The following LMF1 variants were observed in gnomAD, a reference collection of about 807,000 sequenced individuals.
LMF1 encodes the protein lipase maturation factor 1, also known as transmembrane protein 112.
In LMF1, 68 loss-of-function variants were observed where a neutral mutation model predicts 60.6. The ratio of observed to expected loss-of-function variants is 1.12; its 90% CI spans 0.92 to 1.37. The LOEUF is 1.37. Among genes scored for constraint, LMF1 ranks in the 40% most tolerant of loss-of-function variants. LMF1 has a pLI of 0.00. For synonymous variants in LMF1, 418 were observed against 324.7 expected (o/e 1.29, Z -3.09); for missense variants, 948 against 767.2 (o/e 1.24, Z -2.78).
upstream of LMF1, among the ~76,000 whole-genome samples, chr16:971,856 T>G (rs72769441): frequency 0.03 from 4,640 of 152,310 alleles, 159 homozygotes; most frequent in African/African-American, 0.087. Flanking sequence ...AGTGCAGATT[T>G]CTCCTTATTC....
intron 5 of LMF1, among the ~76,000 whole-genome samples, chr16:889,951 T>TGGCTGGCCCTGCTGCACAG (rs2094927968): frequency 6.6e-6 from 1 of 152,282 alleles, no homozygotes; most frequent in Non-Finnish European, 1.5e-5. Context: ...TGCCTGACAC[T>TGGCTGGCCCTGCTGCACAG]GGCTGGCCCT....
chr16:891,750 T>G (rs1021112331), intron 5 of LMF1, among the ~76,000 whole-genome samples: 4 of 152,238 alleles, frequency 2.6e-5, no homozygotes, highest in African/African-American at 7.2e-5. Context: ...TTTCCTGACC[T>G]GGGCTGAGGG....
rs2072624960 is a variant in LMF1 at position 954,637 on chromosome 16, T to C, written c.223A>G (p.Asn75Asp). 1 of 1,604,090 alleles carries C rather than the reference T, an allele frequency of 6.2e-7. No individual in the cohort carries two copies. The highest frequency in any genetic ancestry group is 2.2e-5 in the East Asian group (1 of 44,694). The change falls in exon 2 of 11, where the codon AAC becomes GAC. Residue 75 changes from asparagine (N) to aspartate (D), a missense_variant. Transcript: ENST00000262301. ...FVAFLVAFHQ[N>D]KQLIGDRGLL... ...CCCCTGTCACCGATGAGCTGCTTGT[T>C]CTGATGGAAAGCCACCAGGAATGCC... is the stretch of plus-strand genomic sequence containing the variant.
chr16:960,052 G>A (rs1035453181), intron 1 of LMF1, among the ~76,000 whole-genome samples: 5 of 152,214 alleles, frequency 3.3e-5, no homozygotes, highest in African/African-American at 1.2e-4. Context: ...CAGGAAGAGG[G>A]CCAGCAGCTG....
chr16:863,969 C>A (rs1010100000), intron 10 of LMF1, among the ~76,000 whole-genome samples: 1 of 152,190 alleles, frequency 6.6e-6, no homozygotes, highest in Non-Finnish European at 1.5e-5. Flanking sequence ...TTAGGCCCTG[C>A]CTGTCGATGA....
In LMF1 at chr16:874,872, G is replaced by A. The variant is rs904365097; in HGVS notation, c.898-3531C>T. Among the ~76,000 whole-genome samples, 12 of 152,204 alleles carry A rather than the reference G, an allele frequency of 7.9e-5. No homozygotes were observed. Among genetic ancestry groups the A allele is most frequent in the East Asian group, 1.9e-4 (1 of 5,176 alleles). ...AGGACACTACAATGTTAGAGGGCGC[G>A]GGTCACTCTCAGCCCCACACCATAT... is the stretch of plus-strand genomic sequence containing the variant. On this transcript the variant is annotated intron_variant, in intron 6 of 10. Coordinates refer to ENST00000262301, the MANE Select transcript of LMF1 (RefSeq NM_022773.4). This position sits in a 1 kb window ranked among gnomAD's most constrained non-coding sequence, Gnocchi z 4.1.
At chr16:869,469 T>C in intron 9 of LMF1, 1 of 542,982 alleles carries the variant, frequency 1.8e-6, no homozygotes, top group Non-Finnish European at 3.5e-6. Flanking sequence ...TCTGGCTCCG[T>C]CCCCCAGACT....
Position 880,195 on chromosome 16 carries a change from C to A in LMF1, c.730-458G>T, listed in dbSNP as rs557834070. 4.6e-5 allele frequency among the ~76,000 whole-genome samples: 7 copies of A among 152,266 alleles called. No homozygotes were observed. In the South Asian group the frequency reaches 1.5e-3, roughly 32 times the overall value. On this transcript the variant is annotated intron_variant, in intron 5 of 10. Transcript: ENST00000262301. Reference sequence around the variant, plus strand: ...GGATGGACACGTGGGTGGGGACGTGCCGGTTGGGGACCAGCAGGAATGGGG... The same window carrying A: ...GGATGGACACGTGGGTGGGGACGTGACGGTTGGGGACCAGCAGGAATGGGG...
chr16:856,980 C>T (rs1428516496), intron 10 of LMF1, among the ~76,000 whole-genome samples: 1 of 152,222 alleles, frequency 6.6e-6, no homozygotes, highest in Non-Finnish European at 1.5e-5. Flanking sequence ...CTTCGGCCTC[C>T]TTGTGTGATT....
intron 1 of LMF1, among the ~76,000 whole-genome samples, chr16:963,423 T>C (rs2072855622): frequency 6.6e-6 from 1 of 152,018 alleles, no homozygotes. Flanking sequence ...CATGTGCACA[T>C]GTATACATGT....
Position 962,853 on chromosome 16 carries a change from C to G in LMF1, c.193+7935G>C, listed in dbSNP as rs770550114. ...AAAATTTTAAAAAGTAAAGGTTTCT[C>G]GAAGACTCTGCACCACTCAGTGCCC... On this transcript the variant is annotated intron_variant, in intron 1 of 10. Transcript: ENST00000262301. This position sits in a 1 kb window ranked among gnomAD's most constrained non-coding sequence, Gnocchi z 4.5. 2.2e-4 allele frequency among the ~76,000 whole-genome samples: 34 copies of G among 152,150 alleles called. No individual in the cohort carries two copies.
At chr16:957,115 C>G (rs547823663) in intron 1 of LMF1, among the ~76,000 whole-genome samples, 1 of 152,220 alleles carries the variant, frequency 6.6e-6, no homozygotes, top group South Asian at 2.1e-4. Flanking sequence ...GGCACCATTG[C>G]ACTCCAGCCT....
chr16:903,496 G>A (rs1476916997), intron 4 of LMF1: 1 of 86,064 alleles, frequency 1.2e-5, no homozygotes, highest in East Asian at 3.7e-4. Flanking sequence ...TCTCTGCTGC[G>A]TGGTGGTGAC....
Position 869,882 on chromosome 16 carries a change from C to A in LMF1, c.1416+1G>T, listed in dbSNP as rs745885871. 1.2e-6 allele frequency: 2 copies of A among 1,611,140 alleles called. No individual in the cohort carries two copies. The highest frequency in any genetic ancestry group is 1.7e-6 in the Non-Finnish European group (2 of 1,179,374). ...TGCGCCCGCCAGGGACCGTCCCCCACCTGGAAGGCCGCGAACCACATCAGC... is the reference window on the plus strand; with the variant it reads ...TGCGCCCGCCAGGGACCGTCCCCCAACTGGAAGGCCGCGAACCACATCAGC... On this transcript the variant is annotated splice_donor_variant, in intron 9 of 10. Transcript: ENST00000262301. LOFTEE classifies it high-confidence loss of function.
At chr16:976,662 AG>A in intron 1 of LMF1, 1 of 454,032 alleles carries the variant, frequency 2.2e-6, no homozygotes, top group Non-Finnish European at 4.4e-6. Flanking sequence ...CCACACTGAG[AG>A]TGGAGACGGA....
chr16:890,005 G>T (rs543028629), intron 5 of LMF1, among the ~76,000 whole-genome samples: 1 of 152,276 alleles, frequency 6.6e-6, no homozygotes, highest in Admixed American at 6.5e-5. Context: ...CCATGTAGCT[G>T]TCCCTAAAAC....
chr16:928,796 C>G (rs111439538), intron 3 of LMF1, among the ~76,000 whole-genome samples: 3 of 152,132 alleles, frequency 2.0e-5, no homozygotes, highest in African/African-American at 7.2e-5. Context: ...CCCAGTGGTG[C>G]AAGATGGGGG....
intron 1 of LMF1, among the ~76,000 whole-genome samples, chr16:965,829 TG>T (rs1189889567): frequency 5.3e-5 from 8 of 152,122 alleles, no homozygotes; most frequent in Non-Finnish European, 1.2e-4. Flanking sequence ...TGTCCCATGC[TG>T]ACACTAAGCC....
chr16:861,465 C>G (rs1217220456), intron 10 of LMF1, among the ~76,000 whole-genome samples: 2 of 146,638 alleles, frequency 1.4e-5, no homozygotes, highest in Non-Finnish European at 3.0e-5. Context: ...ACAAGCAATT[C>G]TCCTACCTCA....
Sources: allele counts gnomAD v4.1 joint callset (sites outside exome capture counted in the v4.1 genomes callset), GRCh38; gene constraint gnomAD v4.1.1; non-coding constraint Gnocchi (gnomAD v3.1); transcripts MANE v1.5; gene names NCBI Gene and HGNC (gene_info 2026-07-23, HGNC 2026-07-21).